RIMS1: variants seen among roughly 807,000 people sequenced by gnomAD.
RIMS1 encodes regulating synaptic membrane exocytosis 1.
Under a neutral mutation model 214.1 loss-of-function variants are expected in RIMS1, and 83 were observed. The ratio of observed to expected loss-of-function variants is 0.39; its 90% CI spans 0.32 to 0.47. RIMS1 has a LOEUF of 0.47. Among genes scored for constraint, RIMS1 ranks in the 20% least tolerant of loss-of-function variants. The pLI is 0.99. For missense variants in RIMS1, 2,050 were observed against 2,161.8 expected (o/e 0.95, Z 1.03); for synonymous variants, 793 against 786.8 (o/e 1.01, Z -0.13).
chr6:71,928,597 C>T (rs1446774166), intron 1 of RIMS1, among the ~76,000 whole-genome samples: 1 of 151,994 alleles, frequency 6.6e-6, no homozygotes, highest in African/African-American at 2.4e-5. Context: ...ACTCAAATAA[C>T]ATTTATATCT....
At chr6:72,194,405 A>C (rs1412129817) in intron 6 of RIMS1, among the ~76,000 whole-genome samples, 1 of 152,050 alleles carries the variant, frequency 6.6e-6, no homozygotes, top group Non-Finnish European at 1.5e-5. Context: ...TGTCATAGAT[A>C]TATACTACTA....
In RIMS1 at chr6:71,950,902, G is replaced by A. The variant is rs146682615; in HGVS notation, c.165-18081G>A. 1.1e-3 allele frequency among the ~76,000 whole-genome samples: 162 copies of A among 152,190 alleles called. No individual in the cohort carries two copies. The East Asian group carries it at 0.024, about 22-fold the overall frequency. ...CTGAAGCATGGCTTTTGTGCATGCT[G>A]GTTTTTCTTATTTACGTATTTTATT... On this transcript the variant is annotated intron_variant, in intron 1 of 33. Coordinates refer to ENST00000521978, the MANE Select transcript of RIMS1 (RefSeq NM_014989.7).
intron 29 of RIMS1, among the ~76,000 whole-genome samples, chr6:72,359,467 A>G (rs1236096816): frequency 6.6e-6 from 1 of 152,118 alleles, no homozygotes; most frequent in African/African-American, 2.4e-5. Context: ...TTTCCCTAAA[A>G]GCAATTTGCT....
chr6:72,000,685 T>G (rs12526162), intron 2 of RIMS1, among the ~76,000 whole-genome samples: 30,889 of 152,130 alleles, frequency 0.2, 3,339 homozygotes, highest in Non-Finnish European at 0.24. Context: ...TGCATTCAAG[T>G]CTGCCCCATC....
At chr6:72,196,311 A>G (rs1002493189) in intron 6 of RIMS1, among the ~76,000 whole-genome samples, 8 of 152,082 alleles carry the variant, frequency 5.3e-5, no homozygotes, top group East Asian at 1.9e-4. Flanking sequence ...TAGCTAGTCA[A>G]TTGAAAATGC....
intron 22 of RIMS1, chr6:72,266,381 T>C: frequency 5.5e-6 from 2 of 364,866 alleles, no homozygotes; most frequent in Non-Finnish European, 5.2e-6. Context: ...GATAATGTTA[T>C]AAGGTCCAGT....
intron 24 of RIMS1, among the ~76,000 whole-genome samples, chr6:72,286,625 G>T (rs1005166690): frequency 6.6e-6 from 1 of 152,150 alleles, no homozygotes; most frequent in Admixed American, 6.5e-5. Flanking sequence ...TGAATAGCAG[G>T]TTACAAAAGA....
intron 29 of RIMS1, among the ~76,000 whole-genome samples, chr6:72,352,983 CTTTT>C (rs70994123): frequency 7.9e-5 from 7 of 88,272 alleles, no homozygotes; most frequent in African/African-American, 2.8e-4. Context: ...ATTCTTTTTT[CTTTT>C]TTTTTTTTTT....
At chr6:72,252,980 A>G in intron 16 of RIMS1, 148 bp downstream of exon 16, 1 of 609,432 alleles carries the variant, frequency 1.6e-6, no homozygotes, top group Non-Finnish European at 2.9e-6. Flanking sequence ...TTACATTTCA[A>G]ATTATTAAGA....
In RIMS1 at chr6:72,398,434, A is replaced by G. The variant is rs1337415582; in HGVS notation, c.4720+84A>G. 15 of 788,472 alleles carry G rather than the reference A, an allele frequency of 1.9e-5. No individual in the cohort carries two copies. In the Admixed American group the frequency reaches 2.0e-4, roughly 11 times the overall value. The allele number at this position is 788,472 out of a possible 1,614,324, so 48.8% of individuals were successfully genotyped here. ...AACATTTGCTGCATTTGAATTTCAT[A>G]TGCTCTGTTTTGCATCATCTGATTG... is the stretch of plus-strand genomic sequence containing the variant. On this transcript the variant is annotated intron_variant, in intron 32 of 33. Coordinates refer to ENST00000521978, the MANE Select transcript of RIMS1 (RefSeq NM_014989.7).
At chr6:72,060,035 T>C (rs1161237677) in intron 2 of RIMS1, among the ~76,000 whole-genome samples, 1 of 151,894 alleles carries the variant, frequency 6.6e-6, no homozygotes, top group African/African-American at 2.4e-5. Flanking sequence ...GCCTCCTGGG[T>C]TCAAGCGATT....
At chr6:72,012,371 C>A (rs575695455) in intron 2 of RIMS1, among the ~76,000 whole-genome samples, 1 of 152,096 alleles carries the variant, frequency 6.6e-6, no homozygotes, top group South Asian at 2.1e-4. Flanking sequence ...AGGAGATATA[C>A]CTAATGTAAA....
At chr6:72,217,048 G>A in intron 6 of RIMS1, 1 of 1,455,846 alleles carries the variant, frequency 6.9e-7, no homozygotes, top group Admixed American at 2.5e-5. Flanking sequence ...GATTTAGAAT[G>A]CAAGGACCAC....
chr6:72,097,161 A>G lies in RIMS1; in HGVS notation c.458A>G (p.Asn153Ser), dbSNP rs552482751. Reference protein sequence around the residue: ...CGGRVSLRSNNEDKVVMWVCN... With the variant: ...CGGRVSLRSNSEDKVVMWVCN... ...GGCCGCGTGTCTCTACGGTCAAACA[A>G]CGTGAGTATTCCATGAACATAAGGG... Residue 153 changes from asparagine to serine, a missense_variant and splice_region_variant, in exon 3 of 34, where the codon AAC (asparagine) becomes AGC (serine). Coordinates refer to ENST00000521978, the MANE Select transcript of RIMS1 (RefSeq NM_014989.7). The G allele has an allele frequency of 6.2e-7, 1 of 1,613,408 alleles. No homozygotes were observed. The highest frequency in any genetic ancestry group is 1.1e-5 in the South Asian group (1 of 91,050).
chr6:72,206,077 C>T lies in RIMS1; in HGVS notation c.1678+22928C>T, dbSNP rs568857800. On this transcript the variant is annotated intron_variant, in intron 6 of 33. Transcript: ENST00000521978. ...TCTCTTTCTGTGTGTGTTTTTAAAC[C>T]CCTACCATAGTTATATTCTCTTGTA... Among the ~76,000 whole-genome samples, 5 of 151,880 alleles carry T rather than the reference C, an allele frequency of 3.3e-5. No homozygotes were observed. The South Asian group carries it at 1.0e-3, about 32-fold the overall frequency.
At chr6:71,947,316 A>G (rs1583251427) in intron 1 of RIMS1, among the ~76,000 whole-genome samples, 2 of 152,164 alleles carry the variant, frequency 1.3e-5, no homozygotes. Flanking sequence ...GTACATGAAC[A>G]GATCAATGGA....
At chr6:72,252,181 A>C (rs1485041455) in intron 15 of RIMS1, among the ~76,000 whole-genome samples, 1 of 152,204 alleles carries the variant, frequency 6.6e-6, no homozygotes, top group Non-Finnish European at 1.5e-5. Context: ...AAGAAGCCTC[A>C]TTTTGGTAAT....
chr6:72,227,553 C>T (rs1158063506), intron 6 of RIMS1, among the ~76,000 whole-genome samples: 3 of 151,878 alleles, frequency 2.0e-5, no homozygotes, highest in Non-Finnish European at 4.4e-5. Context: ...ACTTTGCTCT[C>T]AAATTCAACA....
chr6:72,338,825 A>T (rs1405240196), intron 29 of RIMS1, among the ~76,000 whole-genome samples: 1 of 150,514 alleles, frequency 6.6e-6, no homozygotes. Context: ...CTGGTGCCAA[A>T]CCCATGCTTT....
Sources: gnomAD v4.1 joint callset for allele counts (sites outside exome capture counted in the v4.1 genomes callset) on GRCh38, gnomAD v4.1.1 for gene constraint, MANE v1.5 for transcripts, NCBI Gene and HGNC (gene_info 2026-07-23, HGNC 2026-07-21) for gene names.